UGT1A3: variants seen among roughly 807,000 people sequenced by gnomAD.
UGT1A3 encodes UDP glucuronosyltransferase family 1 member A3.
A neutral mutation model predicts 41.0 loss-of-function variants in UGT1A3; 31 were observed. That is an observed-to-expected ratio of 0.76 (90% CI 0.57 to 1.02). The LOEUF (loss-of-function observed/expected upper bound fraction) is 1.02, where lower values mean the gene tolerates loss of function less well. Among genes scored for constraint, UGT1A3 ranks in the 50% least tolerant of loss-of-function variants. UGT1A3 has a pLI of 0.00. For missense variants in UGT1A3, 737 were observed against 671.0 expected, an observed-to-expected ratio of 1.10 and a Z score of -1.09; for synonymous variants, 262 against 257.6, an observed-to-expected ratio of 1.02 and a Z score of -0.17.
rs1699952457 is a variant in UGT1A3, at chr2:233,769,841, G to C, written c.1307+1402G>C. On this transcript the variant is annotated intron_variant, in intron 4 of 4. Coordinates refer to ENST00000482026, the MANE Select transcript of UGT1A3 (RefSeq NM_019093.4). This position sits in a 1 kb window ranked among gnomAD's most constrained non-coding sequence, Gnocchi z 4.4. The stretch of plus-strand genomic sequence containing the variant: ...CTGCACTCCAGCAACCTGGGCAACA[G>C]AGTGAGACCCTGTCTCAAAAAAAAA... The C allele has an allele frequency of 1.8e-6, 1 of 550,096 alleles. No homozygotes were observed. Among genetic ancestry groups the C allele is most frequent in the Non-Finnish European group, 2.8e-6 (1 of 353,910 alleles). The allele number at this position is 550,096 out of a possible 1,614,324, so 34.1% of individuals were successfully genotyped here. A position where few individuals can be genotyped will look rare whatever the true frequency, so the allele number is the denominator to read the frequency against.
At chr2:233,742,666 A>G (rs1212391572) in intron 1 of UGT1A3, 1 of 152,150 alleles carries the variant, frequency 6.6e-6, no homozygotes, top group African/African-American at 2.4e-5. Context: ...TGTAACCCCA[A>G]GGTTTGTCCT....
chr2:233,772,879 G>T lies in UGT1A3; in HGVS notation c.*320G>T. The stretch of plus-strand genomic sequence containing the variant: ...AAACATGGCCTGTTTGGGAGTGCGG[G>T]ATTCAAAGGTGGTCCCACGGCTGCC... On this transcript the variant is annotated 3_prime_UTR_variant, in exon 5 of 5. Transcript: ENST00000482026. The T allele has an allele frequency of 1.7e-6, 1 of 580,054 alleles. No individual in the cohort carries two copies. The allele number at this position is 580,054 out of a possible 1,614,324, so 35.9% of individuals were successfully genotyped here. A position where few individuals can be genotyped will look rare whatever the true frequency, so the allele number is the denominator to read the frequency against.
intron 1 of UGT1A3, among the ~76,000 whole-genome samples, chr2:233,764,816 T>C (rs4148326): frequency 0.49 from 74,710 of 151,838 alleles, 18,875 homozygotes; most frequent in African/African-American, 0.6. Flanking sequence ...AACCAAAAAA[T>C]GCAGCATGGT....
rs773383083 is a variant in UGT1A3, at chr2:233,761,070, G to A, written c.868-5964G>A. 1.4e-5 allele frequency: 23 copies of A among 1,614,070 alleles called. No individual in the cohort carries two copies. The East Asian group carries it at 4.5e-4, about 31-fold the overall frequency. On this transcript the variant is annotated intron_variant, in intron 1 of 4. Transcript: ENST00000482026. ...TCTGGCTGTTTAGAAGTGACTTTGT[G>A]AAGGATTACCCTAGGCCCATCATGC...
In UGT1A3 at chr2:233,743,685, T is replaced by C. The variant is rs192235508; in HGVS notation, c.867+13692T>C. The C allele has an allele frequency of 2.3e-3, 3,085 of 1,367,218 alleles. 13 individuals carry two copies. The highest frequency in any genetic ancestry group is 0.017 in the Middle Eastern group (80 of 4,768). The allele number at this position is 1,367,218 out of a possible 1,614,324, so 84.7% of individuals were successfully genotyped here. A position where few individuals can be genotyped will look rare whatever the true frequency, so the allele number is the denominator to read the frequency against. On this transcript the variant is annotated intron_variant, in intron 1 of 4. Coordinates refer to ENST00000482026, the MANE Select transcript of UGT1A3 (RefSeq NM_019093.4). ...GGGTCCTCGAAGGGCCTGCCGCCTG[T>C]GCAGCCGCCCTCCGCCCCCGCCTCG...
chr2:233,751,498 G>T (rs1694741950), intron 1 of UGT1A3, among the ~76,000 whole-genome samples: 1 of 152,208 alleles, frequency 6.6e-6, no homozygotes, highest in Non-Finnish European at 1.5e-5. Flanking sequence ...CATGAGATTT[G>T]GGAGGGGCCA....
chr2:233,761,943 G>A (rs542276464), intron 1 of UGT1A3, among the ~76,000 whole-genome samples: 197 of 152,320 alleles, frequency 1.3e-3, no homozygotes, highest in Non-Finnish European at 2.4e-3. Context: ...CAGGTGCTGC[G>A]TCTGGCTCCC....
At chr2:233,738,536 G>A (rs919833416) in intron 1 of UGT1A3, among the ~76,000 whole-genome samples, 2 of 152,222 alleles carry the variant, frequency 1.3e-5, no homozygotes, top group Non-Finnish European at 2.9e-5. Context: ...TGAAGTCCAG[G>A]CTGAGTCTCA....
At chr2:233,754,747 A>G (rs527716521) in intron 1 of UGT1A3, 1 of 765,704 alleles carries the variant, frequency 1.3e-6, no homozygotes, top group African/African-American at 1.8e-5. Context: ...GACATGCAGA[A>G]GGAAGAAAGG....
intron 4 of UGT1A3, chr2:233,771,145 C>T (rs1356050343): frequency 6.6e-6 from 1 of 152,246 alleles, no homozygotes; most frequent in Non-Finnish European, 1.5e-5. Context: ...AAACACCTCC[C>T]ACCAGGCCCC....
Position 233,769,806 on chromosome 2 carries a change from G to T in UGT1A3, c.1307+1367G>T. The T allele has an allele frequency of 9.4e-7, 1 of 1,067,140 alleles. No homozygotes were observed. The highest frequency in any genetic ancestry group is 1.3e-6 in the Non-Finnish European group (1 of 792,912). The allele number at this position is 1,067,140 out of a possible 1,614,324, so 66.1% of individuals were successfully genotyped here. On this transcript the variant is annotated intron_variant, in intron 4 of 4. Transcript: ENST00000482026. The surrounding 1 kb of genome is among the most constrained non-coding windows in gnomAD (Gnocchi z 4.4). ...GAAGTTGGAGGCTGCTATGAGCCGT[G>T]ATCATGCCACTGCACTCCAGCAACC...
At chr2:233,737,647 C>G (rs1413488043) in intron 1 of UGT1A3, among the ~76,000 whole-genome samples, 1 of 152,204 alleles carries the variant, frequency 6.6e-6, no homozygotes, top group Non-Finnish European at 1.5e-5. Flanking sequence ...GTCGATCATG[C>G]TGGGAGCTGC....
rs552027394 is a variant in UGT1A3, at chr2:233,768,534, G to A, written c.1307+95G>A. On this transcript the variant is annotated intron_variant, in intron 4 of 4. Transcript: ENST00000482026. ...CATTTACGTAGCATTTAATAGCGTT[G>A]TTTCAAATATAAAAACAAATACATA... 263 of 1,375,928 alleles carry A rather than the reference G, an allele frequency of 1.9e-4. 3 individuals carry two copies. In the South Asian group the frequency reaches 4.1e-3, roughly 21 times the overall value. The allele number at this position is 1,375,928 out of a possible 1,614,324, so 85.2% of individuals were successfully genotyped here.
chr2:233,747,102 A>G, intron 1 of UGT1A3: 2 of 1,361,188 alleles, frequency 1.5e-6, no homozygotes, highest in African/African-American at 2.9e-5. Context: ...CTATCTTCCA[A>G]TTACATGATG....
At chr2:233,742,758 T>A (rs1302155264) in intron 1 of UGT1A3, 3 of 153,094 alleles carry the variant, frequency 2.0e-5, no homozygotes, top group African/African-American at 7.3e-5. Context: ...AATATTAAGA[T>A]AATAAATGCA....
intron 1 of UGT1A3, among the ~76,000 whole-genome samples, chr2:233,736,594 G>A (rs1196858563): frequency 2.0e-5 from 3 of 152,156 alleles, no homozygotes; most frequent in African/African-American, 7.2e-5. Flanking sequence ...ATGTGCTTAT[G>A]CGCTATGGTT....
At chr2:233,768,145 T>C in intron 3 of UGT1A3, 75 bp from the exon 4 acceptor site, 1 of 1,611,332 alleles carries the variant, frequency 6.2e-7, no homozygotes, top group Non-Finnish European at 8.5e-7. Flanking sequence ...TTTGGAGTGT[T>C]TTCAGAACCT....
intron 1 of UGT1A3, among the ~76,000 whole-genome samples, chr2:233,749,110 T>C (rs1417029157): frequency 1.3e-5 from 2 of 151,818 alleles, no homozygotes; most frequent in African/African-American, 4.9e-5. Flanking sequence ...AATTCAGCCT[T>C]TTTATGTCAT....
chr2:233,746,906 T>C (rs1380473357), intron 1 of UGT1A3, among the ~76,000 whole-genome samples: 1 of 151,690 alleles, frequency 6.6e-6, no homozygotes, highest in Admixed American at 6.5e-5. Context: ...TGACATGAAA[T>C]GGGTTTCCAC....
Sources: gnomAD v4.1 joint callset for allele counts (sites outside exome capture counted in the v4.1 genomes callset) on GRCh38, gnomAD v4.1.1 for gene constraint, Gnocchi (gnomAD v3.1) non-coding constraint, MANE v1.5 for transcripts, NCBI Gene and HGNC (gene_info 2026-07-23, HGNC 2026-07-21) for gene names.